The following SPATA16 variants were observed in gnomAD, a reference collection of about 807,000 sequenced individuals.
SPATA16 encodes spermatogenesis-associated protein 16.
A neutral mutation model predicts 63.3 loss-of-function variants in SPATA16; 36 were observed. The observed-to-expected ratio is 0.57, with a 90% CI of 0.44 to 0.75. The LOEUF (loss-of-function observed/expected upper bound fraction) is 0.75. Ranked by LOEUF, SPATA16 falls within the 30% of genes least tolerant of loss-of-function variation. The pLI is 0.00. For missense variants in SPATA16, 646 were observed against 679.3 expected, an observed-to-expected ratio of 0.95 and a Z score of 0.54; for synonymous variants, 203 against 216.7, an observed-to-expected ratio of 0.94 and a Z score of 0.56.
intron 3 of SPATA16, among the ~76,000 whole-genome samples, chr3:173,024,884 G>T (rs190459478): frequency 6.7e-6 from 1 of 150,358 alleles, no homozygotes; most frequent in South Asian, 2.1e-4. Context: ...TTTAAAGAAA[G>T]CATTTAGAGG....
At chr3:173,076,071 A>T (rs890996128) in intron 2 of SPATA16, among the ~76,000 whole-genome samples, 1 of 152,154 alleles carries the variant, frequency 6.6e-6, no homozygotes, top group Non-Finnish European at 1.5e-5. Context: ...TAATGGTAAA[A>T]AATAAAAAGT....
At chr3:172,977,391 C>T (rs1053971080) in intron 4 of SPATA16, among the ~76,000 whole-genome samples, 3 of 152,126 alleles carry the variant, frequency 2.0e-5, no homozygotes, top group African/African-American at 7.2e-5. Flanking sequence ...CAGAGTGACA[C>T]AGATTTTAGG....
At chr3:172,928,549 G>A (rs1171955845) in intron 6 of SPATA16, among the ~76,000 whole-genome samples, 1 of 152,174 alleles carries the variant, frequency 6.6e-6, no homozygotes, top group East Asian at 1.9e-4. Flanking sequence ...ACCCCCTTAT[G>A]TAGATAGATA....
intron 6 of SPATA16, among the ~76,000 whole-genome samples, chr3:172,945,335 C>CAG (rs544914453): frequency 1.3e-5 from 2 of 152,108 alleles, no homozygotes; most frequent in Non-Finnish European, 2.9e-5. Context: ...AAGGAGGAGG[C>CAG]AGAGCAAGAT....
At chr3:173,084,570 G>A (rs575160913) in intron 2 of SPATA16, among the ~76,000 whole-genome samples, 88 of 152,176 alleles carry the variant, frequency 5.8e-4, no homozygotes, top group African/African-American at 8.9e-4. Flanking sequence ...TGCTTTTGAT[G>A]TTTTTGTCAT....
At chr3:173,116,591 AAAAT>A (rs1337144925) in intron 2 of SPATA16, among the ~76,000 whole-genome samples, 4 of 152,222 alleles carry the variant, frequency 2.6e-5, no homozygotes, top group Non-Finnish European at 5.9e-5. Context: ...AATGGGGAGA[AAAAT>A]AAAGTTTGAT....
In SPATA16 at chr3:172,909,729, C is replaced by T. The variant is rs147894726; in HGVS notation, c.1587+3932G>A. 5.9e-5 allele frequency among the ~76,000 whole-genome samples: 9 copies of T among 152,292 alleles called. No homozygotes were observed. The East Asian group carries it at 1.5e-3, about 26-fold the overall frequency. ...GCCACCTACAGGAGTTTGGTCAACT[C>T]AAAGAACTAACTGTGAGATAATTTT... On this transcript the variant is annotated intron_variant, in intron 10 of 10. Coordinates refer to ENST00000351008, the MANE Select transcript of SPATA16 (RefSeq NM_031955.6).
intron 10 of SPATA16, among the ~76,000 whole-genome samples, chr3:172,897,554 A>G (rs1732032131): frequency 6.6e-6 from 1 of 152,134 alleles, no homozygotes; most frequent in African/African-American, 2.4e-5. Flanking sequence ...GCAATTGTAA[A>G]TAATACTGTC....
chr3:173,117,637 G>A lies in SPATA16; in HGVS notation c.95C>T (p.Ser32Phe), dbSNP rs773822903. The change falls in exon 2 of 11, where the codon TCC becomes TTC. Residue 32 changes from serine (S) to phenylalanine (F), a missense_variant. Transcript: ENST00000351008. ...VPKINTSKKMSTLAHPPNILE... is the reference protein window; with the variant it reads ...VPKINTSKKMFTLAHPPNILE... ...GATGTTAGGTGGGTGCGCTAAGGTG[G>A]ACATTTTCTTGCTTGTGTTTATCTT... 1.9e-6 allele frequency: 3 copies of A among 1,614,028 alleles called. No homozygotes were observed. The highest frequency in any genetic ancestry group is 1.7e-5 in the Admixed American group (1 of 60,000).
intron 1 of SPATA16, among the ~76,000 whole-genome samples, chr3:173,138,038 A>G (rs904111341): frequency 1.3e-5 from 2 of 151,978 alleles, no homozygotes; most frequent in Admixed American, 6.6e-5. Context: ...TGCTCCTTAC[A>G]TCTTCAAGTT....
intron 3 of SPATA16, among the ~76,000 whole-genome samples, chr3:173,023,254 A>G (rs1202202297): frequency 6.6e-6 from 1 of 151,382 alleles, no homozygotes; most frequent in Non-Finnish European, 1.5e-5. Flanking sequence ...AGGTTTCCCA[A>G]TTCGCTTGAT....
At chr3:172,924,433 T>C in intron 7 of SPATA16, 116 bp from the exon 8 acceptor site, 1 of 785,390 alleles carries the variant, frequency 1.3e-6, no homozygotes, top group Middle Eastern at 2.4e-4. Context: ...AAATCTTTAG[T>C]ATAGAAACTA....
At chr3:173,076,491 CTTTT>C (rs969366364) in intron 2 of SPATA16, among the ~76,000 whole-genome samples, 2 of 151,718 alleles carry the variant, frequency 1.3e-5, no homozygotes, top group African/African-American at 4.8e-5. Flanking sequence ...GTGAGTAAGA[CTTTT>C]TTTAAAAAAC....
At chr3:172,938,138 C>T (rs1345783727) in intron 6 of SPATA16, among the ~76,000 whole-genome samples, 3 of 152,196 alleles carry the variant, frequency 2.0e-5, no homozygotes, top group African/African-American at 4.8e-5. Flanking sequence ...TGTAACTTAA[C>T]TGTTGCAAAA....
At chr3:173,051,814 T>G (rs1324674894) in intron 2 of SPATA16, among the ~76,000 whole-genome samples, 5 of 89,598 alleles carry the variant, frequency 5.6e-5, no homozygotes, top group Non-Finnish European at 9.2e-5. Context: ...TTAGGCACAC[T>G]TTTTTTTTTT....
chr3:172,983,871 T>G (rs1354366516), intron 4 of SPATA16, among the ~76,000 whole-genome samples: 1 of 151,974 alleles, frequency 6.6e-6, no homozygotes, highest in Admixed American at 6.6e-5. Flanking sequence ...AAACCCAACC[T>G]CCTATGGTAG....
intron 4 of SPATA16, among the ~76,000 whole-genome samples, chr3:172,984,112 T>C (rs1734386347): frequency 6.6e-6 from 1 of 152,198 alleles, no homozygotes; most frequent in South Asian, 2.1e-4. Context: ...TGGTTATTTA[T>C]ATTTAAATGA....
chr3:172,973,555 C>A (rs1002383373), intron 5 of SPATA16, among the ~76,000 whole-genome samples: 1 of 152,118 alleles, frequency 6.6e-6, no homozygotes, highest in Non-Finnish European at 1.5e-5. Flanking sequence ...CACATGAAAA[C>A]TTTTGTGCCT....
At chr3:173,118,580 A>G (rs1018426415) in intron 1 of SPATA16, among the ~76,000 whole-genome samples, 1 of 152,182 alleles carries the variant, frequency 6.6e-6, no homozygotes, top group African/African-American at 2.4e-5. Context: ...GTTGATTCCT[A>G]TCTTTTAGGA....
Sources: allele counts gnomAD v4.1 joint callset (sites outside exome capture counted in the v4.1 genomes callset), GRCh38; gene constraint gnomAD v4.1.1; transcripts MANE v1.5; gene names NCBI Gene and HGNC (gene_info 2026-07-23, HGNC 2026-07-21).